NLN: variants seen among roughly 807,000 people sequenced by gnomAD.
NLN encodes neurolysin, also known as neurolysin, mitochondrial.
A neutral mutation model predicts 79.9 loss-of-function variants in NLN; 64 were observed. That is an observed-to-expected ratio of 0.80 (90% CI 0.65 to 0.99). NLN has a LOEUF of 0.99. NLN is among the 50% of genes least tolerant of loss of function. The pLI, the probability that NLN is intolerant of heterozygous loss-of-function variation, is 0.00. For missense variants in NLN, 835 were observed against 858.7 expected (o/e 0.97, Z 0.34); for synonymous variants, 267 against 296.6 (o/e 0.90, Z 1.02).
chr5:65,747,446 T>G (rs1759006224), intron 1 of NLN, among the ~76,000 whole-genome samples: 1 of 152,202 alleles, frequency 6.6e-6, no homozygotes, highest in African/African-American at 2.4e-5. Context: ...AAAATGGTCC[T>G]GAGCAGAGGT....
intron 9 of NLN, among the ~76,000 whole-genome samples, chr5:65,808,203 A>C (rs1760461221): frequency 6.6e-6 from 1 of 152,192 alleles, no homozygotes; most frequent in Non-Finnish European, 1.5e-5. Context: ...AAATCAAGCA[A>C]AACATTTTTT....
intron 3 of NLN, among the ~76,000 whole-genome samples, chr5:65,768,802 G>A (rs1759507670): frequency 1.3e-5 from 2 of 152,174 alleles, no homozygotes; most frequent in Non-Finnish European, 2.9e-5. Flanking sequence ...GAGAGACAGG[G>A]AGAACTCTCC....
At chr5:65,733,405 A>G (rs1324731456) in intron 1 of NLN, 2 of 1,497,714 alleles carry the variant, frequency 1.3e-6, no homozygotes, top group African/African-American at 3.0e-5. Flanking sequence ...ACCTCCATGA[A>G]TGCTCTGAAA....
In NLN at chr5:65,788,141, C is replaced by A. The variant is rs774563316; in HGVS notation, c.982C>A (p.Pro328Thr). 12 of 1,613,810 alleles carry A rather than the reference C, an allele frequency of 7.4e-6. No individual in the cohort carries two copies. The highest frequency in any genetic ancestry group is 6.7e-5 in the Admixed American group (4 of 59,982). ...FLDDLSQKLK[P>T]LGEAEREFIL... ...AGATGATTTAAGCCAGAAGTTAAAACCCTTGGGTGAAGCAGAACGAGAGTT... is the reference window on the plus strand; with the variant it reads ...AGATGATTTAAGCCAGAAGTTAAAAACCTTGGGTGAAGCAGAACGAGAGTT... The change falls in exon 8 of 13, where the codon CCC becomes ACC. Residue 328 changes from proline to threonine, a missense_variant. Coordinates refer to ENST00000380985, the MANE Select transcript of NLN (RefSeq NM_020726.5).
chr5:65,726,313 CCATTT>C (rs960463952), intron 1 of NLN, among the ~76,000 whole-genome samples: 4 of 152,112 alleles, frequency 2.6e-5, no homozygotes, highest in African/African-American at 9.7e-5. Context: ...ATACTTTTTA[CCATTT>C]CATTAAGGAT....
chr5:65,737,939 C>T (rs943801348), intron 1 of NLN, among the ~76,000 whole-genome samples: 5 of 151,918 alleles, frequency 3.3e-5, no homozygotes, highest in South Asian at 2.1e-4. Flanking sequence ...AAGACCAGCT[C>T]GGGCAACATG....
chr5:65,819,118 T>G (rs1310171261), intron 12 of NLN: 1 of 152,220 alleles, frequency 6.6e-6, no homozygotes, highest in East Asian at 1.9e-4. Context: ...ATAGAGAAAA[T>G]GAAGTTCCTT....
chr5:65,808,535 T>C (rs1760472842), intron 9 of NLN, among the ~76,000 whole-genome samples: 1 of 152,226 alleles, frequency 6.6e-6, no homozygotes, highest in Non-Finnish European at 1.5e-5. Context: ...TTACAAGTGT[T>C]TGAAGGACTG....
At chr5:65,738,874 A>C (rs1319633219) in intron 1 of NLN, among the ~76,000 whole-genome samples, 1 of 148,072 alleles carries the variant, frequency 6.8e-6, no homozygotes, top group East Asian at 2.0e-4. Context: ...CTCCTGCCCC[A>C]GCCTCCTGAG....
At chr5:65,789,711 A>G (rs908221965) in intron 8 of NLN, among the ~76,000 whole-genome samples, 1 of 152,192 alleles carries the variant, frequency 6.6e-6, no homozygotes, top group Non-Finnish European at 1.5e-5. Context: ...TCACGCCACT[A>G]TACTCCAGCC....
At position 65,769,970 on chromosome 5, in the gene NLN, T is replaced by C. The variant is rs992557783; in HGVS notation, c.450+6862T>C. 2.6e-5 allele frequency among the ~76,000 whole-genome samples: 4 copies of C among 152,136 alleles called. No individual in the cohort carries two copies. The East Asian group carries it at 5.8e-4, about 22-fold the overall frequency. On this transcript the variant is annotated intron_variant, in intron 3 of 12. Coordinates refer to ENST00000380985, the MANE Select transcript of NLN (RefSeq NM_020726.5). ...ACCAGTTAGTGGCAGATCCAGAAAATAGGCCTTCGGTAATTGCTGGGACAT... is the reference window on the plus strand; with the variant it reads ...ACCAGTTAGTGGCAGATCCAGAAAACAGGCCTTCGGTAATTGCTGGGACAT...
intron 9 of NLN, among the ~76,000 whole-genome samples, chr5:65,803,051 C>G (rs1020024393): frequency 6.6e-6 from 1 of 152,190 alleles, no homozygotes; most frequent in African/African-American, 2.4e-5. Flanking sequence ...GACATCAGCT[C>G]AAGTCTGGCT....
At chr5:65,767,108 C>T (rs988893993) in intron 3 of NLN, among the ~76,000 whole-genome samples, 2 of 152,162 alleles carry the variant, frequency 1.3e-5, no homozygotes, top group African/African-American at 2.4e-5. Context: ...GGGCAGTAGC[C>T]CCCTTCTCAC....
intron 4 of NLN, among the ~76,000 whole-genome samples, chr5:65,779,116 AG>A (rs1237531457): frequency 1.3e-5 from 2 of 152,200 alleles, no homozygotes; most frequent in Non-Finnish European, 2.9e-5. Context: ...ACAGTGCGTT[AG>A]GTCAGTAGTC....
intron 12 of NLN, 45 bp downstream of exon 12, chr5:65,812,436 C>T (rs1386101611): frequency 1.5e-6 from 2 of 1,339,404 alleles, no homozygotes; most frequent in African/African-American, 1.5e-5. Flanking sequence ...TAGTTGCTCC[C>T]TCCCCTTTAA....
intron 1 of NLN, among the ~76,000 whole-genome samples, chr5:65,731,694 GT>G (rs1758611310): frequency 6.9e-6 from 1 of 144,212 alleles, no homozygotes; most frequent in South Asian, 2.2e-4. Context: ...TTCCTAGAAA[GT>G]CCTTCTCCAC....
At chr5:65,738,136 A>G (rs1217593238) in intron 1 of NLN, among the ~76,000 whole-genome samples, 2 of 36,564 alleles carry the variant, frequency 5.5e-5, no homozygotes, top group Non-Finnish European at 1.5e-4. Flanking sequence ...CTCACAAAAG[A>G]AAAAAAAAAA....
intron 2 of NLN, 140 bp from the exon 3 acceptor site, chr5:65,762,820 A>G: frequency 1.4e-6 from 1 of 706,996 alleles, no homozygotes; most frequent in Non-Finnish European, 2.3e-6. Flanking sequence ...TTTTCTTGGT[A>G]GCCTTAGGAG....
At chr5:65,820,669 C>G (rs927841058) in intron 12 of NLN, among the ~76,000 whole-genome samples, 3 of 152,122 alleles carry the variant, frequency 2.0e-5, no homozygotes, top group Admixed American at 6.5e-5. Context: ...TTCTAGATTG[C>G]TGCTGTAGTA....
Sources: gnomAD v4.1 joint callset for allele counts (sites outside exome capture counted in the v4.1 genomes callset) on GRCh38, gnomAD v4.1.1 for gene constraint, MANE v1.5 for transcripts, NCBI Gene and HGNC (gene_info 2026-07-23, HGNC 2026-07-21) for gene names.